The following SON variants were observed in gnomAD, a reference collection of about 807,000 sequenced individuals.
The protein encoded by SON is protein SON.
SON carries 4 observed loss-of-function variants against 173.3 expected under a neutral mutation model. The observed-to-expected ratio is 0.02, with a 90% CI of 0.01 to 0.05. The LOEUF (loss-of-function observed/expected upper bound fraction) is 0.05, where lower values mean the gene tolerates loss of function less well. SON is among the 10% of genes least tolerant of loss of function. The pLI is 1.00. For synonymous variants in SON, 1,190 were observed against 1,105.9 expected, an observed-to-expected ratio of 1.08 and a Z score of -1.51; for missense variants, 2,626 against 3,055.3, an observed-to-expected ratio of 0.86 and a Z score of 3.31.
chr21:33,571,218 A>G lies in SON; in HGVS notation c.6886-2090A>G, dbSNP rs145417271. ...CTGAAGAATATTTGATGCTAGTATC[A>G]ACTAAAAAAGAAACTTTTGAAAATT... On this transcript the variant is annotated intron_variant, in intron 8 of 11. Coordinates refer to ENST00000356577, the MANE Select transcript of SON (RefSeq NM_138927.4). Among the ~76,000 whole-genome samples the G allele has an allele frequency of 3.3e-5, 5 of 152,330 alleles. No individual in the cohort carries two copies. In the East Asian group the frequency reaches 7.7e-4, roughly 23 times the overall value.
rs781546816 is a variant in SON, at chr21:33,569,104, C to T, written c.6885+17C>T. ...ATTAAAAAGGTACACAGTATATGCA[C>T]ATATGAAAGTGTCGAACAAAAAGTT... On this transcript the variant is annotated intron_variant, in intron 8 of 11. Coordinates refer to ENST00000356577, the MANE Select transcript of SON (RefSeq NM_138927.4). 2.1e-6 allele frequency: 3 copies of T among 1,399,618 alleles called. No individual in the cohort carries two copies. The highest frequency in any genetic ancestry group is 2.0e-6 in the Non-Finnish European group (2 of 997,782). The allele number at this position is 1,399,618 out of a possible 1,614,324, so 86.7% of individuals were successfully genotyped here.
chr21:33,569,558 C>G, intron 8 of SON: 1 of 421,398 alleles, frequency 2.4e-6, no homozygotes, highest in South Asian at 1.8e-5. Flanking sequence ...TGCCCTCGCA[C>G]CCCACCCGCT....
chr21:33,554,547 AAGT>A lies in SON; in HGVS notation c.5321_5323del (p.Ser1774del). On this transcript the variant is annotated inframe_deletion, in exon 3 of 12. Transcript: ENST00000356577. ...ACAGATCTGCTGCCAGCCCGGTTGT[AAGT>A]AGTATGCCAGAAAGAGCTTCAGAGT... The A allele has an allele frequency of 3.1e-6, 5 of 1,613,866 alleles. No individual in the cohort carries two copies. The highest frequency in any genetic ancestry group is 4.2e-6 in the Non-Finnish European group (5 of 1,180,040).
In SON at chr21:33,555,180, CCGGAGCCGCACCCCTAGCCGT is replaced by C. The variant is rs754410293; in HGVS notation, c.5964_5984del (p.Ser1992_Arg1998del). On this transcript the variant is annotated inframe_deletion, in exon 3 of 12. Coordinates refer to ENST00000356577, the MANE Select transcript of SON (RefSeq NM_138927.4). ...GCCGCCGCAGCCGCACCCCCAGCCG[CCGGAGCCGCACCCCTAGCCGT>C]CGGAGCCGCACCCCAAGCCGCCGGA... The C allele has an allele frequency of 9.0e-5, 136 of 1,506,388 alleles. 2 individuals are homozygous for C. The highest frequency in any genetic ancestry group is 6.0e-4 in the Middle Eastern group (3 of 5,016). 93.3% of individuals were successfully genotyped at this position (1,506,388 alleles called of 1,614,324 possible). A position where few individuals can be genotyped will look rare whatever the true frequency, so the allele number is the denominator to read the frequency against.
chr21:33,559,239 C>A lies in SON; in HGVS notation c.6331C>A (p.Gln2111Lys), dbSNP rs2086024744. 6.4e-7 allele frequency: 1 copy of A among 1,573,470 alleles called. No individual in the cohort carries two copies. Among genetic ancestry groups the A allele is most frequent in the Non-Finnish European group, 8.6e-7 (1 of 1,164,210 alleles). Residue 2111 changes from glutamine (Q) to lysine (K), a missense_variant, in exon 5 of 12, where the codon CAG becomes AAG. Gln to Lys is a moderately conservative substitution (Grantham distance 53, BLOSUM62 1). Coordinates refer to ENST00000356577, the MANE Select transcript of SON (RefSeq NM_138927.4). The surrounding 1 kb of genome is among the most constrained non-coding windows in gnomAD (Gnocchi z 4.1). ...GTTTTTACTTTTAAAGAAATGTAAA[C>A]AGATCGCACAGAGTAAAGAAGATGA... ...TIEELTEKCK[Q>K]IAQSKEDDDV...
In SON at chr21:33,559,727, A is replaced by G. The variant is rs142852186; in HGVS notation, c.6609A>G (p.Glu2203=). The change falls in exon 6 of 12, where the codon GAA becomes GAG. Residue 2203 remains glutamate, a synonymous_variant. Coordinates refer to ENST00000356577, the MANE Select transcript of SON (RefSeq NM_138927.4). This position sits in a 1 kb window ranked among gnomAD's most constrained non-coding sequence, Gnocchi z 4.1. ...GEWVPVEKNG[E]ENKDDDNVFS... is the part of the protein sequence containing the mutation. ...GGGTTCCTGTGGAGAAAAATGGTGAAGAAAACAAAGATGATGATAATGTTT... is the reference window on the plus strand; with the variant it reads ...GGGTTCCTGTGGAGAAAAATGGTGAGGAAAACAAAGATGATGATAATGTTT... 1.7e-4 allele frequency: 282 copies of G among 1,614,216 alleles called. 2 individuals are homozygous for G. In the East Asian group the frequency reaches 6.2e-3, roughly 36 times the overall value.
chr21:33,551,044 G>T lies in SON; in HGVS notation c.1813G>T (p.Ala605Ser). The T allele has an allele frequency of 6.2e-7, 1 of 1,611,926 alleles. No homozygotes were observed. The highest frequency in any genetic ancestry group is 8.5e-7 in the Non-Finnish European group (1 of 1,179,082). The change falls in exon 3 of 12, where the codon GCA (alanine) becomes TCA (serine). Residue 605 changes from alanine (A) to serine (S), a missense_variant. By Grantham distance (99) the Ala-to-Ser change is moderately conservative. Transcript: ENST00000356577. ...GCCTGGGCCGCTCATGGCAGCTGGG[G>T]CACTGGAGTTCTCGGGGCAGTCTGG... ...ELPGPLMAAG[A>S]LEFSGQSGAA...
At chr21:33,548,840 G>A (rs2085685443) in intron 2 of SON, among the ~76,000 whole-genome samples, 1 of 152,154 alleles carries the variant, frequency 6.6e-6, no homozygotes. Flanking sequence ...AGTGACAAAA[G>A]TAGTTTAAAA....
intron 9 of SON, among the ~76,000 whole-genome samples, chr21:33,573,865 C>T (rs1431015179): frequency 0.011 from 2 of 178 alleles, no homozygotes; most frequent in East Asian, 0.2. Context: ...TTTCCTATTA[C>T]AATACTGGTT....
In SON at chr21:33,550,383, G is replaced by A. The variant is rs551886377; in HGVS notation, c.1152G>A (p.Pro384=). The change falls in exon 3 of 12, where the codon CCG becomes CCA. Residue 384 remains proline, a synonymous_variant. Coordinates refer to ENST00000356577, the MANE Select transcript of SON (RefSeq NM_138927.4). ...ESSVASAMEL[P]GPPATSMPEL... is the part of the protein sequence containing the mutation. ...CGGTGGCCTCAGCGATGGAGTTGCC[G>A]GGGCCACCTGCGACCTCCATGCCGG... 39 of 1,613,820 alleles carry A rather than the reference G, an allele frequency of 2.4e-5. No homozygotes were observed. Among genetic ancestry groups the A allele is most frequent in the South Asian group, 2.1e-4 (19 of 91,068 alleles).
Position 33,559,379 on chromosome 21 carries a change from G to A in SON, c.6468+3G>A. The A allele has an allele frequency of 6.2e-7, 1 of 1,604,216 alleles. No individual in the cohort carries two copies. Among genetic ancestry groups the A allele is most frequent in the Middle Eastern group, 1.7e-4 (1 of 6,016 alleles). ...AACCTATTTTTTTCAATCTGAATGT[G>A]AGTATTAGTGCTTATGGATTGGTAA... On this transcript the variant is annotated splice_donor_region_variant and intron_variant, in intron 5 of 11. Coordinates refer to ENST00000356577, the MANE Select transcript of SON (RefSeq NM_138927.4). The surrounding 1 kb of genome is among the most constrained non-coding windows in gnomAD (Gnocchi z 4.1).
In SON at chr21:33,552,413, C is replaced by T. The variant is rs761315436; in HGVS notation, c.3182C>T (p.Ala1061Val). Residue 1061 changes from alanine to valine, a missense_variant, in exon 3 of 12, where the codon GCT becomes GTT. Coordinates refer to ENST00000356577, the MANE Select transcript of SON (RefSeq NM_138927.4). This position sits in a 1 kb window ranked among gnomAD's most constrained non-coding sequence, Gnocchi z 5.6. ...ATGGCTGAGCGCTCTATGATGTCAG[C>T]TTATGAACGCTCCATGATGTCAGCT... ...SPMAERSMMS[A>V]YERSMMSAYE... 4 of 1,613,802 alleles carry T rather than the reference C, an allele frequency of 2.5e-6. No homozygotes were observed.
Position 33,553,758 on chromosome 21 carries a change from A to G in SON, c.4527A>G (p.Ser1509=). ...GCATGCAGGAGATTGCATTGCATTC[A>G]GGTGAAGAACCACATGCTGAGGAAC... ...EIGMQEIALH[S]GEEPHAEEHL... Residue 1509 remains serine (S), a synonymous_variant, in exon 3 of 12, where the codon TCA becomes TCG. Coordinates refer to ENST00000356577, the MANE Select transcript of SON (RefSeq NM_138927.4). 6.2e-7 allele frequency: 1 copy of G among 1,614,118 alleles called. No homozygotes were observed. Among genetic ancestry groups the G allele is most frequent in the East Asian group, 2.2e-5 (1 of 44,884 alleles).
At chr21:33,547,790 C>T (rs376961417) in intron 2 of SON, among the ~76,000 whole-genome samples, 1 of 135,354 alleles carries the variant, frequency 7.4e-6, no homozygotes. Flanking sequence ...TCTCAGCTGA[C>T]TGCAAGCTCC....
At chr21:33,571,424 A>C (rs1320091043) in intron 8 of SON, among the ~76,000 whole-genome samples, 1 of 152,224 alleles carries the variant, frequency 6.6e-6, no homozygotes, top group Non-Finnish European at 1.5e-5. Context: ...GTGTTAAAAA[A>C]CACATGGAAT....
At position 33,568,960 on chromosome 21, in the gene SON, C is replaced by T. The variant is rs181247411; in HGVS notation, c.6769-11C>T. Reference sequence around the variant, plus strand: ...TTTACTTAGTTAACTGAGACTACTTCTTTTCTTCAGATTGATGCCTGGGCT... The same window carrying T: ...TTTACTTAGTTAACTGAGACTACTTTTTTTCTTCAGATTGATGCCTGGGCT... On this transcript the variant is annotated splice_polypyrimidine_tract_variant and intron_variant, in intron 7 of 11. Coordinates refer to ENST00000356577, the MANE Select transcript of SON (RefSeq NM_138927.4). The T allele has an allele frequency of 2.8e-4, 428 of 1,553,414 alleles. 1 individual carries two copies. In the African/African-American group the frequency reaches 5.1e-3, roughly 18 times the overall value.
Position 33,559,835 on chromosome 21 carries a change from G to C in SON, c.6657+60G>C. 6.2e-7 allele frequency: 1 copy of C among 1,605,040 alleles called. No individual in the cohort carries two copies. The highest frequency in any genetic ancestry group is 8.5e-7 in the Non-Finnish European group (1 of 1,174,092). On this transcript the variant is annotated intron_variant, in intron 6 of 11. Transcript: ENST00000356577. This position sits in a 1 kb window ranked among gnomAD's most constrained non-coding sequence, Gnocchi z 4.1. Reference sequence around the variant, plus strand: ...TTATACCTGAATCTGCCATTTCATTGTTATGTTATGTCTGATTTGGATTCT... The same window carrying C: ...TTATACCTGAATCTGCCATTTCATTCTTATGTTATGTCTGATTTGGATTCT...
intron 7 of SON, 156 bp downstream of exon 7, chr21:33,567,423 A>T: frequency 1.7e-6 from 1 of 603,846 alleles, no homozygotes; most frequent in Non-Finnish European, 3.0e-6. Context: ...AATGAAAGTG[A>T]TTCGAGGCCT....
chr21:33,576,821 C>T lies in SON; in HGVS notation c.*397C>T, dbSNP rs1254020264. ...TAACATCCAAACGACTGTTTGAAGG[C>T]ATCAGAGTAATCTTCAGTGTGGAAT... On this transcript the variant is annotated 3_prime_UTR_variant, in exon 12 of 12. Transcript: ENST00000356577. 3.0e-6 allele frequency: 1 copy of T among 335,844 alleles called. No individual in the cohort carries two copies. Among genetic ancestry groups the T allele is most frequent in the Non-Finnish European group, 5.9e-6 (1 of 169,782 alleles). 20.8% of individuals were successfully genotyped at this position (335,844 alleles called of 1,614,324 possible).
Sources: allele counts gnomAD v4.1 joint callset (sites outside exome capture counted in the v4.1 genomes callset), GRCh38; gene constraint gnomAD v4.1.1; non-coding constraint Gnocchi (gnomAD v3.1); transcripts MANE v1.5; gene names NCBI Gene and HGNC (gene_info 2026-07-23, HGNC 2026-07-21).